The following DCHS2 variants were observed in gnomAD, a reference collection of about 807,000 sequenced individuals.
DCHS2 encodes dachsous cadherin-related 2.
DCHS2 carries 142 observed loss-of-function variants against 182.4 expected under a neutral mutation model. The observed-to-expected ratio is 0.78, with a 90% CI of 0.68 to 0.89. The LOEUF (loss-of-function observed/expected upper bound fraction) is 0.89. DCHS2 is among the 40% of genes least tolerant of loss of function. DCHS2 has a pLI of 0.00. For missense variants in DCHS2, 4,319 were observed against 4,198.6 expected (o/e 1.03, Z -0.79); for synonymous variants, 1,740 against 1,663.3 (o/e 1.05, Z -1.12).
intron 1 of DCHS2, among the ~76,000 whole-genome samples, chr4:154,420,535 C>T (rs558853596): frequency 1.3e-5 from 2 of 152,142 alleles, no homozygotes; most frequent in African/African-American, 2.4e-5. Flanking sequence ...GACACTAGTA[C>T]AAGTCCCAGA....
In DCHS2 at chr4:154,470,227, C is replaced by T. The variant is rs766886926; in HGVS notation, c.2052+19077G>A. Among the ~76,000 whole-genome samples the T allele has an allele frequency of 4.6e-4, 70 of 152,002 alleles. 2 individuals are homozygous for T. Among genetic ancestry groups the T allele is most frequent in the Non-Finnish European group, 1.6e-4 (11 of 68,010 alleles). ...GCACAGTGGCTCATTCCTGTAATTCCAGCACTTTGGGAGGCTGAGCTTGGA... is the reference window on the plus strand; with the variant it reads ...GCACAGTGGCTCATTCCTGTAATTCTAGCACTTTGGGAGGCTGAGCTTGGA... On this transcript the variant is annotated intron_variant, in intron 1 of 19. Transcript: ENST00000357232.
chr4:154,270,861 C>A (rs1733556656), intron 13 of DCHS2, among the ~76,000 whole-genome samples: 1 of 152,006 alleles, frequency 6.6e-6, no homozygotes, highest in East Asian at 1.9e-4. Flanking sequence ...CCTCAACCAG[C>A]TTCCGATCTA....
chr4:154,260,221 G>T (rs184712150), intron 14 of DCHS2, among the ~76,000 whole-genome samples: 1 of 152,178 alleles, frequency 6.6e-6, no homozygotes, highest in Non-Finnish European at 1.5e-5. Flanking sequence ...TTTCCCCACC[G>T]ACCCGGGTCA....
intron 1 of DCHS2, among the ~76,000 whole-genome samples, chr4:154,441,958 C>G (rs1734035318): frequency 6.6e-6 from 1 of 152,082 alleles, no homozygotes; most frequent in Non-Finnish European, 1.5e-5. Context: ...TTGCCTCTAT[C>G]TTCAATAACC....
intron 10 of DCHS2, among the ~76,000 whole-genome samples, chr4:154,310,630 G>A (rs946699228): frequency 6.6e-6 from 1 of 152,162 alleles, no homozygotes; most frequent in Non-Finnish European, 1.5e-5. Context: ...GCTGTTTTCT[G>A]TAGACTGGGG....
At chr4:154,408,410 TA>T (rs1394382819) in intron 1 of DCHS2, among the ~76,000 whole-genome samples, 1 of 152,234 alleles carries the variant, frequency 6.6e-6, no homozygotes, top group Non-Finnish European at 1.5e-5. Context: ...GATCAATCTA[TA>T]ATTTGTATAT....
intron 16 of DCHS2, among the ~76,000 whole-genome samples, chr4:154,252,113 G>C (rs1453947776): frequency 6.6e-6 from 1 of 151,812 alleles, no homozygotes; most frequent in East Asian, 1.9e-4. Flanking sequence ...ACTAATTAAA[G>C]GTTAAATTGC....
intron 1 of DCHS2, among the ~76,000 whole-genome samples, chr4:154,436,038 CA>C (rs1221472146): frequency 1.3e-5 from 2 of 152,214 alleles, no homozygotes; most frequent in Non-Finnish European, 2.9e-5. Flanking sequence ...CTAAATTCCC[CA>C]AAGTAGAAAC....
intron 1 of DCHS2, among the ~76,000 whole-genome samples, chr4:154,445,500 A>G (rs1734242993): frequency 6.6e-6 from 1 of 152,172 alleles, no homozygotes; most frequent in East Asian, 1.9e-4. Flanking sequence ...TTCTAAGTGC[A>G]CCTCCCCTTA....
At chr4:154,249,180 A>G (rs2111131109) in intron 16 of DCHS2, among the ~76,000 whole-genome samples, 1 of 152,304 alleles carries the variant, frequency 6.6e-6, no homozygotes, top group Non-Finnish European at 1.5e-5. Context: ...ATATTCACTA[A>G]CTATGCATCT....
intron 1 of DCHS2, among the ~76,000 whole-genome samples, chr4:154,381,338 G>A (rs1311759703): frequency 6.6e-6 from 1 of 151,986 alleles, no homozygotes; most frequent in Non-Finnish European, 1.5e-5. Context: ...AAATCCCCCT[G>A]ATTCCATTGT....
chr4:154,434,077 G>A (rs918562821), intron 1 of DCHS2, among the ~76,000 whole-genome samples: 21 of 152,184 alleles, frequency 1.4e-4, no homozygotes, highest in African/African-American at 2.4e-5. Context: ...GTAAAACTGA[G>A]CAAAATAAAT....
intron 1 of DCHS2, among the ~76,000 whole-genome samples, chr4:154,437,154 C>T (rs1323584596): frequency 6.6e-6 from 1 of 152,152 alleles, no homozygotes; most frequent in Non-Finnish European, 1.5e-5. Context: ...CCTAGACCAG[C>T]CTTAGACAGT....
At chr4:154,398,760 T>A (rs1463564536) in intron 1 of DCHS2, among the ~76,000 whole-genome samples, 1 of 152,196 alleles carries the variant, frequency 6.6e-6, no homozygotes, top group Non-Finnish European at 1.5e-5. Flanking sequence ...AAGTCACATT[T>A]ACTATATAAA....
intron 1 of DCHS2, among the ~76,000 whole-genome samples, chr4:154,440,101 A>G (rs1331035303): frequency 6.6e-6 from 1 of 152,128 alleles, no homozygotes; most frequent in African/African-American, 2.4e-5. Context: ...ATCTGTCTAC[A>G]CTTGTACTCA....
chr4:154,420,234 G>GAGACAGACAGAC (rs71600327), intron 1 of DCHS2, among the ~76,000 whole-genome samples: 2,196 of 137,924 alleles, frequency 0.016, 25 homozygotes, highest in Non-Finnish European at 0.019. Flanking sequence ...GAACCGATGG[G>GAGACAGACAGAC]AGACAGACAG....
At chr4:154,448,965 G>A (rs76195970) in intron 1 of DCHS2, among the ~76,000 whole-genome samples, 2,198 of 152,144 alleles carry the variant, frequency 0.014, 50 homozygotes, top group African/African-American at 0.05. Context: ...TGGTTAATGC[G>A]TGCCTCCTCA....
At chr4:154,330,019 A>T (rs1373245041) in intron 5 of DCHS2, among the ~76,000 whole-genome samples, 1 of 152,222 alleles carries the variant, frequency 6.6e-6, no homozygotes, top group African/African-American at 2.4e-5. Context: ...TGGAAGATTT[A>T]AAACTGCTGC....
At chr4:154,385,046 G>A (rs1451807011) in intron 1 of DCHS2, among the ~76,000 whole-genome samples, 1 of 151,350 alleles carries the variant, frequency 6.6e-6, no homozygotes, top group Non-Finnish European at 1.5e-5. Flanking sequence ...TTAACATTAG[G>A]TATATCTTCT....
Sources: gnomAD v4.1 joint callset for allele counts (sites outside exome capture counted in the v4.1 genomes callset) on GRCh38, gnomAD v4.1.1 for gene constraint, MANE v1.5 for transcripts, NCBI Gene and HGNC (gene_info 2026-07-23, HGNC 2026-07-21) for gene names.